Variants in SNX29 observed in about 807,000 individuals in gnomAD.
The protein encoded by SNX29 is sorting nexin-29.
Under a neutral mutation model 102.1 loss-of-function variants are expected in SNX29, and 78 were observed. The observed-to-expected ratio is 0.76, with a 90% CI of 0.64 to 0.92. SNX29 has a LOEUF of 0.92. Among genes scored for constraint, SNX29 ranks in the 40% least tolerant of loss-of-function variants. SNX29 has a pLI of 0.00. For synonymous variants in SNX29, 580 were observed against 414.5 expected, an observed-to-expected ratio of 1.40 and a Z score of -4.85; for missense variants, 1,280 against 1,061.7, an observed-to-expected ratio of 1.21 and a Z score of -2.86.
intron 11 of SNX29, among the ~76,000 whole-genome samples, chr16:12,124,165 G>A (rs2141367335): frequency 6.6e-6 from 1 of 152,244 alleles, no homozygotes; most frequent in Non-Finnish European, 1.5e-5. Flanking sequence ...AGACCAACCT[G>A]GCCAACATGG....
chr16:12,216,879 C>G (rs117089938), intron 14 of SNX29, among the ~76,000 whole-genome samples: 1 of 152,204 alleles, frequency 6.6e-6, no homozygotes, highest in Admixed American at 6.5e-5. Context: ...AGTTTGCCCA[C>G]GACACTTTCA....
chr16:12,009,487 A>G (rs1186496108), intron 3 of SNX29, among the ~76,000 whole-genome samples: 1 of 151,684 alleles, frequency 6.6e-6, no homozygotes, highest in African/African-American at 2.4e-5. Flanking sequence ...GTGTATATAT[A>G]TATATGTATA....
rs766610341 is a variant in SNX29, at chr16:12,129,808, A to G, written c.1595+50A>G. 1.6e-5 allele frequency: 24 copies of G among 1,542,698 alleles called. No homozygotes were observed. The South Asian group carries it at 3.0e-4, about 19-fold the overall frequency. The stretch of plus-strand genomic sequence containing the variant: ...GGTAAGCACGTGGGGGCTTCATTAA[A>G]ACCTGAGCATACTGGGCCGGGCACG... On this transcript the variant is annotated intron_variant, in intron 13 of 20. Transcript: ENST00000566228.
At position 12,263,270 on chromosome 16, in the gene SNX29, T is replaced by G. The variant is rs114177333; in HGVS notation, c.1679-14663T>G. The stretch of plus-strand genomic sequence containing the variant: ...CCTCAGCCTCCTGAGTAGCTGGTAT[T>G]ATAGCCACCAACATAGCCAGCTAAT... On this transcript the variant is annotated intron_variant, in intron 14 of 20. Transcript: ENST00000566228. Among the ~76,000 whole-genome samples, 1,137 of 152,162 alleles carry G rather than the reference T, an allele frequency of 7.5e-3. 15 individuals carry two copies. Among genetic ancestry groups the G allele is most frequent in the African/African-American group, 0.026 (1,085 of 41,500 alleles).
intron 16 of SNX29, among the ~76,000 whole-genome samples, chr16:12,362,628 C>T (rs4780423): frequency 0.51 from 69,180 of 134,520 alleles, 18,304 homozygotes; most frequent in Non-Finnish European, 0.58. Flanking sequence ...CTGTGCTGCC[C>T]CCCACCCAGG....
chr16:12,148,262 G>A (rs1451104397), intron 13 of SNX29, among the ~76,000 whole-genome samples: 1 of 152,200 alleles, frequency 6.6e-6, no homozygotes, highest in East Asian at 1.9e-4. Flanking sequence ...GCTACAAAAT[G>A]CCCTTTGTTA....
At position 12,338,655 on chromosome 16, in the gene SNX29, A is replaced by G. The variant is rs1364850459; in HGVS notation, c.1783-17508A>G. Among the ~76,000 whole-genome samples, 10 of 152,194 alleles carry G rather than the reference A, an allele frequency of 6.6e-5. No individual in the cohort carries two copies. The East Asian group carries it at 9.6e-4, about 15-fold the overall frequency. Reference sequence around the variant, plus strand: ...TCTCCCAGAACACACAGCCCATACTATATCCCCATAGGCAAATCAGAAATG... The same window carrying G: ...TCTCCCAGAACACACAGCCCATACTGTATCCCCATAGGCAAATCAGAAATG... On this transcript the variant is annotated intron_variant, in intron 15 of 20. Transcript: ENST00000566228.
Position 12,568,828 on chromosome 16 carries a change from A to T in SNX29, c.*199A>T. On this transcript the variant is annotated 3_prime_UTR_variant, in exon 21 of 21. Coordinates refer to ENST00000566228, the MANE Select transcript of SNX29 (RefSeq NM_032167.5). The stretch of plus-strand genomic sequence containing the variant: ...GCATGATACCGTGACCCGAGAGACC[A>T]AGGCAGCACCTCGCTGGAGAGACTG... 1 of 811,964 alleles carries T rather than the reference A, an allele frequency of 1.2e-6. No individual in the cohort carries two copies. Among genetic ancestry groups the T allele is most frequent in the African/African-American group, 1.7e-5 (1 of 57,686 alleles). The allele number at this position is 811,964 out of a possible 1,614,324, so 50.3% of individuals were successfully genotyped here.
intron 19 of SNX29, among the ~76,000 whole-genome samples, chr16:12,500,106 C>T (rs2089040280): frequency 6.6e-6 from 1 of 152,236 alleles, no homozygotes; most frequent in South Asian, 2.1e-4. Context: ...ATCCTCCTAC[C>T]TCAGCCTCCT....
At chr16:12,390,999 G>A (rs534280152) in intron 16 of SNX29, among the ~76,000 whole-genome samples, 1 of 152,230 alleles carries the variant, frequency 6.6e-6, no homozygotes, top group East Asian at 1.9e-4. Context: ...TGGCTGGGGT[G>A]CAGTGGCGCA....
chr16:12,565,840 G>C (rs1277183129), intron 20 of SNX29, among the ~76,000 whole-genome samples: 2 of 151,960 alleles, frequency 1.3e-5, no homozygotes, highest in Non-Finnish European at 2.9e-5. Flanking sequence ...CCACACCTCT[G>C]CCTCCTCCGG....
chr16:12,122,845 T>C (rs982547700), intron 11 of SNX29, among the ~76,000 whole-genome samples: 2 of 152,152 alleles, frequency 1.3e-5, no homozygotes, highest in Non-Finnish European at 2.9e-5. Context: ...ATTTTTTTTC[T>C]AGGCGGAGTC....
chr16:12,263,808 G>A (rs1313546481), intron 14 of SNX29, among the ~76,000 whole-genome samples: 1 of 152,192 alleles, frequency 6.6e-6, no homozygotes, highest in African/African-American at 2.4e-5. Flanking sequence ...GCTCAAGTGA[G>A]GTATTGGTCA....
At chr16:12,074,613 C>T (rs2051460034) in intron 10 of SNX29, among the ~76,000 whole-genome samples, 3 of 152,132 alleles carry the variant, frequency 2.0e-5, no homozygotes, top group African/African-American at 4.8e-5. Flanking sequence ...TCCTTCATTT[C>T]AACTTTGGTG....
intron 20 of SNX29, among the ~76,000 whole-genome samples, chr16:12,542,580 C>A (rs147112040): frequency 6.6e-6 from 1 of 152,174 alleles, no homozygotes; most frequent in African/African-American, 2.4e-5. Context: ...GATCCACCCG[C>A]CTCAGCCTCC....
At chr16:12,191,900 G>A (rs75676326) in intron 13 of SNX29, among the ~76,000 whole-genome samples, 2 of 152,164 alleles carry the variant, frequency 1.3e-5, no homozygotes, top group African/African-American at 4.8e-5. Context: ...TTGTAGTTGG[G>A]TGTGGTTATG....
intron 19 of SNX29, among the ~76,000 whole-genome samples, chr16:12,479,312 T>G (rs2087799993): frequency 6.6e-6 from 1 of 152,256 alleles, no homozygotes; most frequent in South Asian, 2.1e-4. Flanking sequence ...TAGCATTTCC[T>G]TGACCTTTAT....
intron 20 of SNX29, among the ~76,000 whole-genome samples, chr16:12,561,465 G>A (rs1335260800): frequency 3.3e-5 from 5 of 152,158 alleles, no homozygotes; most frequent in African/African-American, 7.2e-5. Context: ...GCAGCTCCTA[G>A]TAAGTGGAGT....
intron 18 of SNX29, among the ~76,000 whole-genome samples, chr16:12,419,358 C>T (rs1476407453): frequency 6.6e-6 from 1 of 152,138 alleles, no homozygotes; most frequent in Non-Finnish European, 1.5e-5. Flanking sequence ...AGGGCTCCTC[C>T]AATGGGGACA....
Sources: allele counts gnomAD v4.1 joint callset (sites outside exome capture counted in the v4.1 genomes callset), GRCh38; gene constraint gnomAD v4.1.1; transcripts MANE v1.5; gene names NCBI Gene and HGNC (gene_info 2026-07-23, HGNC 2026-07-21).